RBPJ: variants seen among roughly 807,000 people sequenced by gnomAD.
RBPJ encodes the protein recombination signal binding protein for immunoglobulin kappa J region.
RBPJ carries 9 observed loss-of-function variants against 67.8 expected under a neutral mutation model. The observed-to-expected ratio is 0.13, with a 90% CI of 0.08 to 0.23. The LOEUF (loss-of-function observed/expected upper bound fraction) is 0.23, where lower values mean the gene tolerates loss of function less well. Among genes scored for constraint, RBPJ ranks in the 10% least tolerant of loss-of-function variants. RBPJ has a pLI of 1.00. For missense variants in RBPJ, 305 were observed against 595.6 expected (o/e 0.51, Z 5.08); for synonymous variants, 198 against 203.3 (o/e 0.97, Z 0.22).
At position 26,270,437 on chromosome 4, in the gene RBPJ, G is replaced by GAAGAAAGA. The variant is rs1553855392; in HGVS notation, c.-166-91994_-166-91987dup. ...AGAAAGAAAGAAAGAAAGAAAGAAA[G>GAAGAAAGA]AAGAAAGAAAGAAAGAAAGAAAAGA... is the stretch of plus-strand genomic sequence containing the variant. On this transcript the variant is annotated intron_variant, in intron 1 of 4. Coordinates refer to the RBPJ transcript ENST00000512351. 4.6e-4 allele frequency among the ~76,000 whole-genome samples: 14 copies of GAAGAAAGA among 30,250 alleles called. 1 individual carries two copies. Among genetic ancestry groups the GAAGAAAGA allele is most frequent in the Non-Finnish European group, 1.1e-3 (11 of 10,202 alleles). The allele number at this position is 30,250 out of a possible 152,430, so 19.8% of individuals were successfully genotyped here. A position where few individuals can be genotyped will look rare whatever the true frequency, so the allele number is the denominator to read the frequency against.
chr4:26,180,367 G>A (rs921582282), intron 1 of RBPJ, among the ~76,000 whole-genome samples: 1 of 151,544 alleles, frequency 6.6e-6, no homozygotes, highest in African/African-American at 2.4e-5. Context: ...AGGAGACCCT[G>A]AGGGCTTCTC....
chr4:26,143,142 G>C, the RBPJ span, among the ~76,000 whole-genome samples: 1 of 152,080 alleles, frequency 6.6e-6, no homozygotes, highest in Non-Finnish European at 1.5e-5. Flanking sequence ...ATTAAATAAG[G>C]AGAAGCCAGC....
chr4:26,170,555 A>AAAAG (rs1553845084), intron 1 of RBPJ, among the ~76,000 whole-genome samples: 3 of 150,776 alleles, frequency 2.0e-5, no homozygotes, highest in South Asian at 2.1e-4. Context: ...AAAAAAAAAA[A>AAAAG]AGGAATGGAA....
chr4:26,263,425 T>C (rs181307599), intron 1 of RBPJ, among the ~76,000 whole-genome samples: 204 of 150,980 alleles, frequency 1.4e-3, no homozygotes, highest in Admixed American at 2.1e-3. Flanking sequence ...GCTATCTACC[T>C]GGGCAAAGAA....
rs534768340 is a variant in RBPJ at position 26,362,276 on chromosome 4, G to A, written c.21-24077G>A. 2.0e-5 allele frequency among the ~76,000 whole-genome samples: 3 copies of A among 152,262 alleles called. No individual in the cohort carries two copies. In the East Asian group the frequency reaches 5.8e-4, roughly 29 times the overall value. On this transcript the variant is annotated intron_variant, in intron 1 of 10. Transcript: ENST00000355476. ...ACTAGAAAGATCTCGATAAAGCAAG[G>A]ACTGTCACTCTATTCCTCATTCATA...
intron 5 of RBPJ, chr4:26,420,987 A>G: frequency 2.5e-6 from 1 of 401,574 alleles, no homozygotes; most frequent in Non-Finnish European, 4.5e-6. Context: ...TGTTACAGTG[A>G]CTGGAGGGGG....
intron 1 of RBPJ, among the ~76,000 whole-genome samples, chr4:26,307,875 T>G (rs752855477): frequency 6.6e-6 from 1 of 152,242 alleles, no homozygotes; most frequent in Non-Finnish European, 1.5e-5. Context: ...TTCCATAGGA[T>G]GCTAATCATG....
At position 26,424,383 on chromosome 4, in the gene RBPJ, C is replaced by T. The variant is rs148972743; in HGVS notation, c.538C>T (p.Leu180=). 3.2e-5 allele frequency: 52 copies of T among 1,614,050 alleles called. 1 individual carries two copies. In the Middle Eastern group the frequency reaches 2.2e-3, roughly 67 times the overall value. Residue 180 remains leucine (L), a synonymous_variant, in exon 6 of 11, where the codon CTA becomes TTA. Coordinates refer to ENST00000355476, the MANE Select transcript of RBPJ (RefSeq NM_015874.6). The surrounding 1 kb of genome is among the most constrained non-coding windows in gnomAD (Gnocchi z 5.3). Reference sequence around the variant, plus strand: ...AACAAAGGTGGCTCTGTTTAATCGACTACGATCCCAGACAGTTAGTACCAG... The same window carrying T: ...AACAAAGGTGGCTCTGTTTAATCGATTACGATCCCAGACAGTTAGTACCAG... ...SGTKVALFNR[L]RSQTVSTRYL...
chr4:26,145,067 A>C, the RBPJ span, among the ~76,000 whole-genome samples: 2 of 147,536 alleles, frequency 1.4e-5, no homozygotes, highest in African/African-American at 5.1e-5. Context: ...AAAATGTAGT[A>C]GTTTACATTT....
chr4:26,360,082 T>G (rs1463224167), intron 1 of RBPJ, among the ~76,000 whole-genome samples: 1 of 152,224 alleles, frequency 6.6e-6, no homozygotes, highest in African/African-American at 2.4e-5. Flanking sequence ...TCACAGTGTA[T>G]TTTTAGTGTA....
At chr4:26,141,011 T>G in the RBPJ span, among the ~76,000 whole-genome samples, 1 of 152,146 alleles carries the variant, frequency 6.6e-6, no homozygotes, top group East Asian at 1.9e-4. Context: ...GTTAAGATGG[T>G]TAAGAATCCA....
intron 4 of RBPJ, among the ~76,000 whole-genome samples, chr4:26,420,120 A>G (rs924330869): frequency 1.3e-5 from 2 of 152,176 alleles, no homozygotes; most frequent in Non-Finnish European, 2.9e-5. Flanking sequence ...GAGAAGAACT[A>G]CTGCTAAAAT....
chr4:26,183,928 C>G (rs529671242), intron 1 of RBPJ, among the ~76,000 whole-genome samples: 1 of 152,236 alleles, frequency 6.6e-6, no homozygotes, highest in Admixed American at 6.5e-5. Context: ...AGGAGAATCG[C>G]TTGAACCCAG....
chr4:26,429,584 G>A (rs1736012730), intron 8 of RBPJ, among the ~76,000 whole-genome samples: 1 of 152,180 alleles, frequency 6.6e-6, no homozygotes, highest in Admixed American at 6.5e-5. Flanking sequence ...TTACATCACA[G>A]ATATTGATCT....
At chr4:26,179,590 G>A (rs1716910197) in intron 1 of RBPJ, among the ~76,000 whole-genome samples, 1 of 152,082 alleles carries the variant, frequency 6.6e-6, no homozygotes, top group African/African-American at 2.4e-5. Context: ...GATCATTAGA[G>A]AAATGCAAAT....
chr4:26,389,913 A>G (rs1405255086), intron 2 of RBPJ, among the ~76,000 whole-genome samples: 1 of 152,194 alleles, frequency 6.6e-6, no homozygotes, highest in Non-Finnish European at 1.5e-5. Flanking sequence ...AGAAAATTGG[A>G]GAGCAGGACA....
chr4:26,377,479 T>C lies in RBPJ; in HGVS notation c.21-8874T>C, dbSNP rs148880120. Among the ~76,000 whole-genome samples, 173 of 152,342 alleles carry C rather than the reference T, an allele frequency of 1.1e-3. 1 individual carries two copies. The highest frequency in any genetic ancestry group is 4.0e-3 in the African/African-American group (168 of 41,574). ...CCAAACTAGAAGGCAGACAAAATCA[T>C]CAGGGAACTGTGACTGAAATTCATA... On this transcript the variant is annotated intron_variant, in intron 1 of 10. Coordinates refer to ENST00000355476, the MANE Select transcript of RBPJ (RefSeq NM_015874.6).
chr4:26,242,363 C>T (rs775131194), intron 1 of RBPJ, among the ~76,000 whole-genome samples: 12 of 150,922 alleles, frequency 8.0e-5, no homozygotes, highest in Admixed American at 2.0e-4. Context: ...CGGAGAATGG[C>T]GTGAACCCGA....
intron 1 of RBPJ, among the ~76,000 whole-genome samples, chr4:26,349,350 G>A (rs1470307458): frequency 6.6e-6 from 1 of 152,224 alleles, no homozygotes; most frequent in African/African-American, 2.4e-5. Context: ...GGGATTACAA[G>A]CATGAGCCAC....
Sources: allele counts gnomAD v4.1 joint callset (sites outside exome capture counted in the v4.1 genomes callset), GRCh38; gene constraint gnomAD v4.1.1; non-coding constraint Gnocchi (gnomAD v3.1); transcripts MANE v1.5; gene names NCBI Gene and HGNC (gene_info 2026-07-23, HGNC 2026-07-21).